PTGES2: variants seen among roughly 807,000 people sequenced by gnomAD.
PTGES2 encodes GATE-binding factor 1.
PTGES2 carries 35 observed loss-of-function variants against 44.5 expected under a neutral mutation model. That is an observed-to-expected ratio of 0.79 (90% CI 0.60 to 1.04). PTGES2 has a LOEUF of 1.04. Among genes scored for constraint, PTGES2 ranks in the 50% least tolerant of loss-of-function variants. PTGES2 has a pLI of 0.00. For synonymous variants in PTGES2, 221 were observed against 227.5 expected (o/e 0.97, Z 0.26); for missense variants, 517 against 521.4 (o/e 0.99, Z 0.08).
At chr9:128,124,573 A>G in intron 2 of PTGES2, 23 bp from the exon 3 acceptor site, 1 of 1,611,264 alleles carries the variant, frequency 6.2e-7, no homozygotes, top group Non-Finnish European at 8.5e-7. Flanking sequence ...AGGGTGGTTT[A>G]ATCAGAGGTT....
intron 6 of PTGES2, among the ~76,000 whole-genome samples, chr9:128,121,516 T>G (rs779142629): frequency 3.9e-4 from 59 of 152,112 alleles, no homozygotes; most frequent in Non-Finnish European, 5.9e-4. Context: ...CAAGTTTCCT[T>G]GGGATAAATG....
chr9:128,122,024 G>A (rs537154203), intron 6 of PTGES2, among the ~76,000 whole-genome samples: 117 of 152,190 alleles, frequency 7.7e-4, no homozygotes, highest in African/African-American at 2.3e-3. Flanking sequence ...CTGGAGCACC[G>A]GACCCAGCCC....
intron 6 of PTGES2, among the ~76,000 whole-genome samples, chr9:128,121,983 G>A (rs1010105789): frequency 6.6e-6 from 1 of 151,918 alleles, no homozygotes. Flanking sequence ...AGGCCAGTGA[G>A]ACGCCCTCCC....
chr9:128,123,114 TGCC>T lies in PTGES2; in HGVS notation c.704_706del (p.Arg235del), dbSNP rs747348666. The T allele has an allele frequency of 1.9e-6, 3 of 1,609,968 alleles. No homozygotes were observed. In the African/African-American group the frequency reaches 4.0e-5, roughly 21 times the overall value. On this transcript the variant is annotated inframe_deletion, in exon 5 of 7. Transcript: ENST00000338961. This position sits in a 1 kb window ranked among gnomAD's most constrained non-coding sequence, Gnocchi z 4.4. ...GTGCACCAGCCAGTCGTCCGCCCAC[TGCC>T]GCCACTTCATCTCCTCCCTGCGGGC...
rs1702210456 is a variant in PTGES2 at position 128,123,297 on chromosome 9, A to C, written c.687-163T>G. The stretch of plus-strand genomic sequence containing the variant: ...AGTCTCGCTCTGTCACCCAGGCTGG[A>C]GTGCAATGGCACCATCTCAGCTCAC... On this transcript the variant is annotated intron_variant, in intron 4 of 6. Coordinates refer to ENST00000338961, the MANE Select transcript of PTGES2 (RefSeq NM_025072.7). This position sits in a 1 kb window ranked among gnomAD's most constrained non-coding sequence, Gnocchi z 4.4. Among the ~76,000 whole-genome samples the C allele has an allele frequency of 6.6e-6, 1 of 150,920 alleles. No individual in the cohort carries two copies. The highest frequency in any genetic ancestry group is 2.4e-5 in the African/African-American group (1 of 40,934).
chr9:128,122,911 C>T (rs372534819), intron 5 of PTGES2, 23 bp downstream of exon 5: 42 of 1,612,392 alleles, frequency 2.6e-5, no homozygotes, highest in Non-Finnish European at 3.2e-5. Flanking sequence ...GACAGCAGGC[C>T]CCGGATGTGC....
chr9:128,126,832 C>T (rs1224594491), intron 1 of PTGES2, among the ~76,000 whole-genome samples: 1 of 148,550 alleles, frequency 6.7e-6, no homozygotes, highest in African/African-American at 2.5e-5. Flanking sequence ...TGCACTCCAG[C>T]CTGGGCAACA....
intron 6 of PTGES2, 113 bp from the exon 7 acceptor site, chr9:128,121,386 T>C (rs1391820274): frequency 2.9e-6 from 4 of 1,377,608 alleles, no homozygotes; most frequent in Admixed American, 2.4e-5. Flanking sequence ...TTGGAGCTCG[T>C]GACCCACTCA....
Position 128,121,293 on chromosome 9 carries a change from G to C in PTGES2, c.1006-20C>G, listed in dbSNP as rs779454833. 1.2e-6 allele frequency: 2 copies of C among 1,600,024 alleles called. No homozygotes were observed. Among genetic ancestry groups the C allele is most frequent in the East Asian group, 4.5e-5 (2 of 44,364 alleles). Reference sequence around the variant, plus strand: ...CACCGCCTGGGGCACGAACAGAAACGTGTCACCATAGCTGGTTTGACAGGC... The same window carrying C: ...CACCGCCTGGGGCACGAACAGAAACCTGTCACCATAGCTGGTTTGACAGGC... On this transcript the variant is annotated intron_variant, in intron 6 of 6. Transcript: ENST00000338961.
rs933224473 is a variant in PTGES2 at position 128,123,907 on chromosome 9, C to A, written c.537-56G>T. 2 of 1,579,640 alleles carry A rather than the reference C, an allele frequency of 1.3e-6. No homozygotes were observed. Among genetic ancestry groups the A allele is most frequent in the East Asian group, 2.3e-5 (1 of 44,128 alleles). On this transcript the variant is annotated intron_variant, in intron 3 of 6. Transcript: ENST00000338961. The surrounding 1 kb of genome is among the most constrained non-coding windows in gnomAD (Gnocchi z 4.4). ...TCCTTCCCCCTCCGTCCCCTGTGGC[C>A]GACCAACCCCGCTGCCCCAGCCTCA... is the stretch of plus-strand genomic sequence containing the variant.
chr9:128,127,749 C>T, upstream of PTGES2: 2 of 1,249,930 alleles, frequency 1.6e-6, no homozygotes, highest in Non-Finnish European at 2.0e-6. Flanking sequence ...GGCGGGCGCG[C>T]GAAACGAAGA....
chr9:128,124,482 G>A lies in PTGES2; in HGVS notation c.536+10C>T. 6.2e-7 allele frequency: 1 copy of A among 1,613,140 alleles called. No homozygotes were observed. The highest frequency in any genetic ancestry group is 8.5e-7 in the Non-Finnish European group (1 of 1,179,436). On this transcript the variant is annotated intron_variant, in intron 3 of 6. Transcript: ENST00000338961. Reference sequence around the variant, plus strand: ...AGCAATGGCCACCTGGTCTCCGAGGGGCTCCTTACCCCGACACCAGGTAGG... The same window carrying A: ...AGCAATGGCCACCTGGTCTCCGAGGAGCTCCTTACCCCGACACCAGGTAGG...
upstream of PTGES2, chr9:128,127,931 G>A (rs1312391337): frequency 9.0e-6 from 4 of 442,128 alleles, no homozygotes; most frequent in South Asian, 1.2e-4. Flanking sequence ...AACGTTTGCA[G>A]ACCGTTCCAT....
rs1210620364 is a variant in PTGES2, at chr9:128,125,236, G to A, written c.477+8C>T. ...GAGGAAGGATGCAGGGGGTTCCCTGGGGCTCACCGAGCTTTCTCCTTCCTG... is the reference window on the plus strand; with the variant it reads ...GAGGAAGGATGCAGGGGGTTCCCTGAGGCTCACCGAGCTTTCTCCTTCCTG... On this transcript the variant is annotated splice_region_variant and intron_variant, in intron 2 of 6. Coordinates refer to ENST00000338961, the MANE Select transcript of PTGES2 (RefSeq NM_025072.7). 2 of 1,565,920 alleles carry A rather than the reference G, an allele frequency of 1.3e-6. No homozygotes were observed. Among genetic ancestry groups the A allele is most frequent in the Admixed American group, 3.8e-5 (2 of 52,194 alleles).
chr9:128,122,630 C>A, intron 5 of PTGES2, 151 bp from the exon 6 acceptor site: 1 of 674,276 alleles, frequency 1.5e-6, no homozygotes. Flanking sequence ...AGGGAGCATC[C>A]GTCCCAGACG....
upstream of PTGES2, chr9:128,128,154 G>C: frequency 3.2e-6 from 1 of 315,560 alleles, no homozygotes; most frequent in South Asian, 2.1e-5. Context: ...CCCCGGAAAC[G>C]ACCCGACCCG....
intron 3 of PTGES2, chr9:128,124,186 C>A (rs563629400): frequency 8.6e-6 from 3 of 347,698 alleles, no homozygotes; most frequent in Non-Finnish European, 1.6e-5. Context: ...CGGGTTCAAG[C>A]GATTCTCCTG....
chr9:128,124,936 C>T, intron 2 of PTGES2: 1 of 1,177,908 alleles, frequency 8.5e-7, no homozygotes, highest in Non-Finnish European at 1.1e-6. Flanking sequence ...GGCTAAGTGA[C>T]TTGCCCCAAG....
In PTGES2 at chr9:128,127,636, G is replaced by A; in HGVS notation, c.82C>T (p.Pro28Ser). ...LAWRLGGRPQ[P>S]LLPTQSRAGF... The stretch of plus-strand genomic sequence containing the variant: ...GCCCGGCTCTGCGTGGGTAGCAGCG[G>A]CTGGGGGCGGCCTCCCAGCCTCCAG... The change falls in exon 1 of 7, where the codon CCG becomes TCG. Residue 28 changes from proline (P) to serine (S), a missense_variant. Coordinates refer to ENST00000338961, the MANE Select transcript of PTGES2 (RefSeq NM_025072.7). 1 of 1,269,646 alleles carries A rather than the reference G, an allele frequency of 7.9e-7. No homozygotes were observed. Among genetic ancestry groups the A allele is most frequent in the African/African-American group, 1.6e-5 (1 of 64,490 alleles). The allele number at this position is 1,269,646 out of a possible 1,614,324, so 78.6% of individuals were successfully genotyped here. A position where few individuals can be genotyped will look rare whatever the true frequency, so the allele number is the denominator to read the frequency against.
Sources: allele counts gnomAD v4.1 joint callset (sites outside exome capture counted in the v4.1 genomes callset), GRCh38; gene constraint gnomAD v4.1.1; non-coding constraint Gnocchi (gnomAD v3.1); transcripts MANE v1.5; gene names NCBI Gene and HGNC (gene_info 2026-07-23, HGNC 2026-07-21).